CRMP1: variants seen among roughly 807,000 people sequenced by gnomAD.
The protein encoded by CRMP1 is dihydropyrimidinase-related protein 1.
In CRMP1, 19 loss-of-function variants were observed where a neutral mutation model predicts 68.3. The ratio of observed to expected loss-of-function variants is 0.28; its 90% confidence interval spans 0.19 to 0.41. The LOEUF (loss-of-function observed/expected upper bound fraction) is 0.41. Ranked by LOEUF, CRMP1 falls within the 10% of genes least tolerant of loss-of-function variation. The pLI is 1.00. For synonymous variants in CRMP1, 439 were observed against 399.6 expected (o/e 1.10, Z -1.18); for missense variants, 791 against 967.4 (o/e 0.82, Z 2.42).
intron 1 of CRMP1, among the ~76,000 whole-genome samples, chr4:5,884,229 A>C (rs115205355): frequency 6.6e-6 from 1 of 152,242 alleles, no homozygotes; most frequent in Admixed American, 6.5e-5. Flanking sequence ...AATCAACTGG[A>C]TATCCATAGA....
intron 3 of CRMP1, among the ~76,000 whole-genome samples, chr4:5,857,189 TCCA>T (rs1380734338): frequency 9.4e-4 from 140 of 148,296 alleles, no homozygotes; most frequent in African/African-American, 3.3e-3. Flanking sequence ...TCATTGTCAC[TCCA>T]CCACCATCAT....
At chr4:5,829,219 C>G (rs1001126799) in intron 11 of CRMP1, among the ~76,000 whole-genome samples, 1 of 152,014 alleles carries the variant, frequency 6.6e-6, no homozygotes, top group Non-Finnish European at 1.5e-5. Flanking sequence ...GACAAAATAA[C>G]ATTTCCTTTA....
At chr4:5,845,339 C>T (rs1330462035) in intron 6 of CRMP1, among the ~76,000 whole-genome samples, 1 of 152,232 alleles carries the variant, frequency 6.6e-6, no homozygotes, top group Non-Finnish European at 1.5e-5. Flanking sequence ...TTCCGACCTG[C>T]TCACCTACTG....
chr4:5,857,429 T>C (rs1302664710), intron 3 of CRMP1, among the ~76,000 whole-genome samples: 2 of 151,932 alleles, frequency 1.3e-5, no homozygotes, highest in Admixed American at 1.3e-4. Context: ...TCACTCACTA[T>C]CATTAACCAT....
At chr4:5,822,464 C>G (rs980140193) in intron 13 of CRMP1, among the ~76,000 whole-genome samples, 1 of 150,510 alleles carries the variant, frequency 6.6e-6, no homozygotes, top group African/African-American at 2.5e-5. Context: ...GCTGGATTTA[C>G]TTCCCTCATT....
Position 5,825,897 on chromosome 4 carries a change from ACAGACGCACACAC to A in CRMP1, c.1804-251_1804-239del. The A allele has an allele frequency of 1.9e-6, 1 of 523,856 alleles. No homozygotes were observed. The allele number at this position is 523,856 out of a possible 1,614,324, so 32.5% of individuals were successfully genotyped here. On this transcript the variant is annotated intron_variant, in intron 12 of 13. Transcript: ENST00000324989. The surrounding 1 kb of genome is among the most constrained non-coding windows in gnomAD (Gnocchi z 4.4). ...TCTACATACCCACATGCATACACAT[ACAGACGCACACAC>A]CACGCACACGCACTCACATACATGC...
intron 13 of CRMP1, among the ~76,000 whole-genome samples, chr4:5,822,581 G>A (rs866271423): frequency 6.6e-6 from 1 of 151,904 alleles, no homozygotes; most frequent in South Asian, 2.1e-4. Context: ...CTTGCATAAA[G>A]ATGTAAAATT....
chr4:5,860,125 A>G lies in CRMP1; in HGVS notation c.655+901T>C, dbSNP rs900971434. On this transcript the variant is annotated intron_variant, in intron 3 of 13. Transcript: ENST00000324989. The surrounding 1 kb of genome is among the most constrained non-coding windows in gnomAD (Gnocchi z 4.2). The stretch of plus-strand genomic sequence containing the variant: ...CCCGCAGTGTTTCCTTCCCTCCCCA[A>G]CCTCACCAGGGCTCTCTGTGGCACA... 6.6e-6 allele frequency among the ~76,000 whole-genome samples: 1 copy of G among 151,736 alleles called. No individual in the cohort carries two copies. The highest frequency in any genetic ancestry group is 2.4e-5 in the African/African-American group (1 of 41,292).
intron 13 of CRMP1, chr4:5,824,676 C>A: frequency 1.0e-6 from 1 of 965,510 alleles, no homozygotes; most frequent in African/African-American, 1.8e-5. Context: ...TGTTGACATC[C>A]TAGATGTTGC....
Position 5,892,005 on chromosome 4 carries a change from C to A in CRMP1, c.381+584G>T, listed in dbSNP as rs952956992. 6.6e-6 allele frequency among the ~76,000 whole-genome samples: 1 copy of A among 152,212 alleles called. No homozygotes were observed. Among genetic ancestry groups the A allele is most frequent in the Non-Finnish European group, 1.5e-5 (1 of 68,044 alleles). On this transcript the variant is annotated intron_variant, in intron 1 of 13. Transcript: ENST00000324989. The surrounding 1 kb of genome is among the most constrained non-coding windows in gnomAD (Gnocchi z 8.6). ...TGAGGGTAGGGGTTTACGGCTCCAA[C>A]TGCCCGACGAACTAAATCCTTAACC...
At chr4:5,852,014 G>T (rs1032711518) in intron 4 of CRMP1, among the ~76,000 whole-genome samples, 2 of 152,094 alleles carry the variant, frequency 1.3e-5, no homozygotes, top group African/African-American at 4.8e-5. Context: ...GGACGAGGAG[G>T]AGGAGGAAAA....
chr4:5,831,980 G>A (rs771126597), intron 11 of CRMP1, among the ~76,000 whole-genome samples: 1 of 152,132 alleles, frequency 6.6e-6, no homozygotes, highest in Non-Finnish European at 1.5e-5. Flanking sequence ...CCCTACAAGG[G>A]GGTATTATTC....
In CRMP1 at chr4:5,842,954, A is replaced by C. The variant is rs902241841; in HGVS notation, c.1032+139T>G. ...CAGCAGTCCCCAGGGTTCCCGGGGAAAACAAGATGGTTTGGGATGGTCTGG... is the reference window on the plus strand; with the variant it reads ...CAGCAGTCCCCAGGGTTCCCGGGGACAACAAGATGGTTTGGGATGGTCTGG... On this transcript the variant is annotated intron_variant, in intron 7 of 13. Transcript: ENST00000324989. This position sits in a 1 kb window ranked among gnomAD's most constrained non-coding sequence, Gnocchi z 4.5. 3 of 793,590 alleles carry C rather than the reference A, an allele frequency of 3.8e-6. No individual in the cohort carries two copies. Among genetic ancestry groups the C allele is most frequent in the Admixed American group, 2.2e-5 (1 of 45,522 alleles). The allele number at this position is 793,590 out of a possible 1,614,324, so 49.2% of individuals were successfully genotyped here.
In CRMP1 at chr4:5,891,276, A is replaced by AACAG. The variant is rs71171495; in HGVS notation, c.381+1309_381+1312dup. The stretch of plus-strand genomic sequence containing the variant: ...TCAGGACCACGGAGAGCTCTGGAGC[A>AACAG]ACAGCCCGCCCGCGAAGGGATGGGG... On this transcript the variant is annotated intron_variant, in intron 1 of 13. Transcript: ENST00000324989. This position sits in a 1 kb window ranked among gnomAD's most constrained non-coding sequence, Gnocchi z 5.2. 0.41 allele frequency among the ~76,000 whole-genome samples: 61,426 copies of AACAG among 149,890 alleles called. 15,335 individuals carry two copies. Among genetic ancestry groups the AACAG allele is most frequent in the East Asian group, 0.74 (3,643 of 4,940 alleles).
At chr4:5,886,099 A>C (rs1224675545) in intron 1 of CRMP1, among the ~76,000 whole-genome samples, 1 of 152,182 alleles carries the variant, frequency 6.6e-6, no homozygotes, top group Non-Finnish European at 1.5e-5. Context: ...GAAGGTTTTG[A>C]TTTGTTTAAA....
In CRMP1 at chr4:5,848,377, G is replaced by T. The variant is rs1301517018; in HGVS notation, c.963+1015C>A. Among the ~76,000 whole-genome samples the T allele has an allele frequency of 3.9e-5, 6 of 152,252 alleles. No individual in the cohort carries two copies. In the South Asian group the frequency reaches 1.2e-3, roughly 32 times the overall value. ...CAGCTAATTTTTGTATTTTTTAGTA[G>T]AGATGGGGTTTTGCCATGTTGGCCA... On this transcript the variant is annotated intron_variant, in intron 6 of 13. Transcript: ENST00000324989.
rs1346791396 is a variant in CRMP1 at position 5,865,524 on chromosome 4, G to A, written c.470+1144C>T. Among the ~76,000 whole-genome samples, 1 of 151,858 alleles carries A rather than the reference G, an allele frequency of 6.6e-6. No homozygotes were observed. The highest frequency in any genetic ancestry group is 1.9e-4 in the East Asian group (1 of 5,154). ...TAGTCCTAGCTACTCGGGAGGCTGAGGCAGGGGAGTCGATTGAACCCGGGA... is the reference window on the plus strand; with the variant it reads ...TAGTCCTAGCTACTCGGGAGGCTGAAGCAGGGGAGTCGATTGAACCCGGGA... On this transcript the variant is annotated intron_variant, in intron 2 of 13. Coordinates refer to ENST00000324989, the MANE Select transcript of CRMP1 (RefSeq NM_001014809.3). This position sits in a 1 kb window ranked among gnomAD's most constrained non-coding sequence, Gnocchi z 4.1.
rs547447017 is a variant in CRMP1, at chr4:5,858,202, G to C, written c.656-1895C>G. ...CCTTTGTCCTACTTCTTTGGCTGCCGCTTCTCAATCATCCTGAGGACTCCA... is the reference window on the plus strand; with the variant it reads ...CCTTTGTCCTACTTCTTTGGCTGCCCCTTCTCAATCATCCTGAGGACTCCA... On this transcript the variant is annotated intron_variant, in intron 3 of 13. Coordinates refer to ENST00000324989, the MANE Select transcript of CRMP1 (RefSeq NM_001014809.3). The surrounding 1 kb of genome is among the most constrained non-coding windows in gnomAD (Gnocchi z 5.5). Among the ~76,000 whole-genome samples the C allele has an allele frequency of 6.6e-6, 1 of 151,762 alleles. No homozygotes were observed.
In CRMP1 at chr4:5,861,074, A is replaced by T. The variant is rs747334581; in HGVS notation, c.607T>A (p.Phe203Ile). ...PSQGMTAADD[F>I]FQGTRAALVG... is the part of the protein sequence containing the mutation. ...AGTGCCGCCCTGGTCCCTTGGAAGA[A>T]GTCATCAGCCGCAGTCATCCCCTGG... The change falls in exon 3 of 14, where the codon TTC (phenylalanine) becomes ATC (isoleucine). Residue 203 changes from phenylalanine (F) to isoleucine (I), a missense_variant. Transcript: ENST00000324989. The surrounding 1 kb of genome is among the most constrained non-coding windows in gnomAD (Gnocchi z 6.0). The T allele has an allele frequency of 1.3e-5, 21 of 1,614,188 alleles. No individual in the cohort carries two copies. Among genetic ancestry groups the T allele is most frequent in the Non-Finnish European group, 1.7e-5 (20 of 1,180,032 alleles).
Sources: allele counts gnomAD v4.1 joint callset (sites outside exome capture counted in the v4.1 genomes callset), GRCh38; gene constraint gnomAD v4.1.1; non-coding constraint Gnocchi (gnomAD v3.1); transcripts MANE v1.5; gene names NCBI Gene and HGNC (gene_info 2026-07-23, HGNC 2026-07-21).